The following ANXA2 variants were observed in gnomAD, a reference collection of about 807,000 sequenced individuals.
The protein encoded by ANXA2 is annexin A2, also known as annexin II.
ANXA2 carries 28 observed loss-of-function variants against 47.3 expected under a neutral mutation model. That is an observed-to-expected ratio of 0.59 (90% CI 0.44 to 0.81). ANXA2 has a LOEUF of 0.81. Ranked by LOEUF, ANXA2 falls within the 40% of genes least tolerant of loss-of-function variation. ANXA2 has a pLI of 0.00. For synonymous variants in ANXA2, 172 were observed against 155.5 expected (o/e 1.11, Z -0.79); for missense variants, 384 against 414.3 (o/e 0.93, Z 0.64).
At chr15:60,379,257 GAC>G (rs1216922173) in intron 3 of ANXA2, among the ~76,000 whole-genome samples, 4 of 152,044 alleles carry the variant, frequency 2.6e-5, no homozygotes, top group Admixed American at 2.6e-4. Context: ...CAGCCTGGGT[GAC>G]ACAGCGAAAC....
intron 3 of ANXA2, among the ~76,000 whole-genome samples, chr15:60,369,848 C>A: frequency 6.6e-6 from 1 of 152,170 alleles, no homozygotes; most frequent in East Asian, 1.9e-4. Flanking sequence ...GGTACAGGAT[C>A]GACTACAATT....
chr15:60,369,763 T>C (rs2062687978), intron 3 of ANXA2, among the ~76,000 whole-genome samples: 1 of 152,204 alleles, frequency 6.6e-6, no homozygotes. Context: ...ATAACCATGG[T>C]GGGAAATGGA....
At chr15:60,395,097 A>C (rs1432738582) in intron 1 of ANXA2, among the ~76,000 whole-genome samples, 1 of 152,226 alleles carries the variant, frequency 6.6e-6, no homozygotes, top group Admixed American at 6.5e-5. Context: ...AGGTAGGTAA[A>C]ATGTGAAGTT....
chr15:60,368,532 T>C (rs1368972599), intron 3 of ANXA2, among the ~76,000 whole-genome samples: 1 of 151,994 alleles, frequency 6.6e-6, no homozygotes, highest in African/African-American at 2.4e-5. Flanking sequence ...TTAATTAATG[T>C]TGGAAAATAT....
rs372714775 is a variant in ANXA2, at chr15:60,349,032, G to T, written c.960+43C>A. On this transcript the variant is annotated intron_variant, in intron 12 of 12. Transcript: ENST00000451270. ...CAGGCCACCTGCCAGGGCCCGGGGT[G>T]CTCTGGACGGCAGGGCAGGCTGACA... The T allele has an allele frequency of 2.5e-6, 4 of 1,611,966 alleles. No homozygotes were observed. The African/African-American group carries it at 5.3e-5, about 22-fold the overall frequency.
In ANXA2 at chr15:60,347,283, C is replaced by T. The variant is rs1220807796; in HGVS notation, c.*347G>A. On this transcript the variant is annotated 3_prime_UTR_variant, in exon 13 of 13. Transcript: ENST00000451270. Reference sequence around the variant, plus strand: ...AGCCTCACCAGCTGAACCCCAAGCACGTTTAATTTTCAAACAATTCAGTTG... The same window carrying T: ...AGCCTCACCAGCTGAACCCCAAGCATGTTTAATTTTCAAACAATTCAGTTG... 3 of 300,932 alleles carry T rather than the reference C, an allele frequency of 1.0e-5. No homozygotes were observed. Among genetic ancestry groups the T allele is most frequent in the East Asian group, 7.3e-5 (1 of 13,696 alleles). 18.6% of individuals were successfully genotyped at this position (300,932 alleles called of 1,614,324 possible). A position where few individuals can be genotyped will look rare whatever the true frequency, so the allele number is the denominator to read the frequency against.
intron 1 of ANXA2, among the ~76,000 whole-genome samples, chr15:60,387,624 T>C (rs1050086506): frequency 6.6e-6 from 1 of 152,170 alleles, no homozygotes; most frequent in Non-Finnish European, 1.5e-5. Context: ...GATCAGGGAT[T>C]CAGGGGAGGG....
chr15:60,386,513 G>A (rs12902053), intron 1 of ANXA2: 21,514 of 154,414 alleles, frequency 0.14, 1,664 homozygotes, highest in Middle Eastern at 0.21. Context: ...AAGCTACGAT[G>A]TGAATCGAAA....
At chr15:60,375,013 C>T (rs1354767948) in intron 3 of ANXA2, among the ~76,000 whole-genome samples, 1 of 152,174 alleles carries the variant, frequency 6.6e-6, no homozygotes, top group African/African-American at 2.4e-5. Flanking sequence ...TGCCTCTTGG[C>T]GCCCTCAAGA....
At chr15:60,380,804 CAA>C (rs61570476) in intron 3 of ANXA2, among the ~76,000 whole-genome samples, 134 of 61,180 alleles carry the variant, frequency 2.2e-3, no homozygotes, top group African/African-American at 6.4e-3. Flanking sequence ...AACTCCATCT[CAA>C]AAAAAAAAAA....
At position 60,352,750 on chromosome 15, in the gene ANXA2, A is replaced by G. The variant is rs182754172; in HGVS notation, c.589-274T>C. 2.5e-3 allele frequency among the ~76,000 whole-genome samples: 374 copies of G among 152,316 alleles called. 5 individuals carry two copies. The highest frequency in any genetic ancestry group is 0.012 in the South Asian group (56 of 4,820). ...TCCTTGAATAAGAAAGGAGGGACCA[A>G]GAGCTTGTATTCATATAAAGAAGAA... On this transcript the variant is annotated intron_variant, in intron 8 of 12. Transcript: ENST00000451270. This position sits in a 1 kb window ranked among gnomAD's most constrained non-coding sequence, Gnocchi z 4.2.
chr15:60,382,998 C>G (rs2062883668), intron 2 of ANXA2: 1 of 153,050 alleles, frequency 6.5e-6, no homozygotes, highest in African/African-American at 2.4e-5. Flanking sequence ...TTGTGTTTCC[C>G]CCCCTCTCCT....
chr15:60,396,693 G>T (rs565886719), intron 1 of ANXA2, among the ~76,000 whole-genome samples: 1 of 152,214 alleles, frequency 6.6e-6, no homozygotes, highest in Non-Finnish European at 1.5e-5. Context: ...GTTTCAGTGG[G>T]AAAGTGCATT....
rs58442362 is a variant in ANXA2, at chr15:60,382,616, T to C, written c.49-175A>G. 5.0e-3 allele frequency: 2,416 copies of C among 480,696 alleles called. 52 individuals carry two copies. The highest frequency in any genetic ancestry group is 0.043 in the African/African-American group (2,222 of 51,360). The allele number at this position is 480,696 out of a possible 1,614,324, so 29.8% of individuals were successfully genotyped here. A position where few individuals can be genotyped will look rare whatever the true frequency, so the allele number is the denominator to read the frequency against. ...CACTTCACGCAAGCAATTTCATTTT[T>C]TCTAATAAGAATTCTTCAAAGGCTC... On this transcript the variant is annotated intron_variant, in intron 2 of 12. Transcript: ENST00000451270.
chr15:60,374,044 G>A (rs1030184371), intron 3 of ANXA2, among the ~76,000 whole-genome samples: 3 of 152,200 alleles, frequency 2.0e-5, no homozygotes, highest in Non-Finnish European at 2.9e-5. Flanking sequence ...CACAGCTGGG[G>A]CACACAGTCT....
Position 60,347,825 on chromosome 15 carries a change from A to T in ANXA2, c.961-136T>A, listed in dbSNP as rs183641244. 4.4e-5 allele frequency: 34 copies of T among 780,126 alleles called. No individual in the cohort carries two copies. The East Asian group carries it at 8.2e-4, about 19-fold the overall frequency. 48.3% of individuals were successfully genotyped at this position (780,126 alleles called of 1,614,324 possible). A position where few individuals can be genotyped will look rare whatever the true frequency, so the allele number is the denominator to read the frequency against. On this transcript the variant is annotated intron_variant, in intron 12 of 12. Coordinates refer to ENST00000451270, the MANE Select transcript of ANXA2 (RefSeq NM_004039.3). ...AAGACTCTGCAGGAGACCTGCCCTGATACAAAGGCCTGGAAGGCCACACCC... is the reference window on the plus strand; with the variant it reads ...AAGACTCTGCAGGAGACCTGCCCTGTTACAAAGGCCTGGAAGGCCACACCC...
intron 4 of ANXA2, among the ~76,000 whole-genome samples, chr15:60,362,450 A>G (rs2140833160): frequency 6.6e-6 from 1 of 152,316 alleles, no homozygotes; most frequent in South Asian, 2.1e-4. Flanking sequence ...CCTTCCCTGT[A>G]AGGAGAAGCC....
In ANXA2 at chr15:60,386,098, G is replaced by A; in HGVS notation, c.-11-12C>T. 8.7e-6 allele frequency: 14 copies of A among 1,605,350 alleles called. No homozygotes were observed. Among genetic ancestry groups the A allele is most frequent in the South Asian group, 1.1e-5 (1 of 90,426 alleles). Reference sequence around the variant, plus strand: ...CATTTTGAAGGAAGCTGGAAAAAAAGTACAACAAAAAGTCTTTATGAAGAG... The same window carrying A: ...CATTTTGAAGGAAGCTGGAAAAAAAATACAACAAAAAGTCTTTATGAAGAG... On this transcript the variant is annotated splice_polypyrimidine_tract_variant and intron_variant, in intron 1 of 12. Transcript: ENST00000451270.
chr15:60,349,320 T>C, intron 11 of ANXA2, 123 bp from the exon 12 acceptor site: 1 of 1,028,168 alleles, frequency 9.7e-7, no homozygotes, highest in Non-Finnish European at 1.4e-6. Flanking sequence ...TCCAAAACTT[T>C]TTCAGTGCCG....
Sources: gnomAD v4.1 joint callset for allele counts (sites outside exome capture counted in the v4.1 genomes callset) on GRCh38, gnomAD v4.1.1 for gene constraint, Gnocchi (gnomAD v3.1) non-coding constraint, MANE v1.5 for transcripts, NCBI Gene and HGNC (gene_info 2026-07-23, HGNC 2026-07-21) for gene names.